Variants in CMSS1 observed in about 807,000 individuals in gnomAD.
CMSS1 encodes cms1 ribosomal small subunit homolog, also known as protein CMSS1.
CMSS1 carries 33 observed loss-of-function variants against 43.5 expected under a neutral mutation model. The ratio of observed to expected loss-of-function variants is 0.76; its 90% CI spans 0.57 to 1.01. The LOEUF (loss-of-function observed/expected upper bound fraction) is 1.01, where lower values mean the gene tolerates loss of function less well. CMSS1 is among the 50% of genes least tolerant of loss of function. CMSS1 has a pLI of 0.00. For missense variants in CMSS1, 313 were observed against 326.4 expected (o/e 0.96, Z 0.32); for synonymous variants, 115 against 117.2 (o/e 0.98, Z 0.12).
At chr3:99,942,574 G>A (rs1259386841) in intron 1 of CMSS1, among the ~76,000 whole-genome samples, 1 of 152,242 alleles carries the variant, frequency 6.6e-6, no homozygotes, top group Non-Finnish European at 1.5e-5. Context: ...GCTCACGCCT[G>A]TAATCCCAGC....
At chr3:99,924,256 T>C (rs1707216253) in intron 1 of CMSS1, 1 of 1,614,046 alleles carries the variant, frequency 6.2e-7, no homozygotes. Flanking sequence ...CTAGTAGGCA[T>C]ATGAATTCAT....
chr3:99,870,429 G>A (rs545595269), intron 1 of CMSS1, among the ~76,000 whole-genome samples: 1 of 152,250 alleles, frequency 6.6e-6, no homozygotes, highest in East Asian at 1.9e-4. Flanking sequence ...TTTATGTGTA[G>A]CTGATCTCTC....
intron 1 of CMSS1, among the ~76,000 whole-genome samples, chr3:100,092,171 G>A (rs974252684): frequency 1.3e-5 from 2 of 152,124 alleles, no homozygotes; most frequent in African/African-American, 4.8e-5. Context: ...TTTTATCATG[G>A]CTTTCAAAGT....
intron 8 of CMSS1, among the ~76,000 whole-genome samples, chr3:100,174,625 T>A (rs2067134365): frequency 1.3e-5 from 2 of 152,186 alleles, no homozygotes; most frequent in South Asian, 4.1e-4. Context: ...ATACAAAGTG[T>A]TTAAAGAGAA....
intron 1 of CMSS1, among the ~76,000 whole-genome samples, chr3:100,094,674 CTTTTTTTTTTTTTTTTT>C (rs71132509): frequency 1.8e-5 from 1 of 57,002 alleles, no homozygotes; most frequent in Non-Finnish European, 3.2e-5. Context: ...GAAAAGCTGC[CTTTTTTTTTTTTTTTTT>C]TTTTTTTTTT....
intron 1 of CMSS1, among the ~76,000 whole-genome samples, chr3:99,912,655 G>A (rs982053211): frequency 6.6e-6 from 1 of 152,176 alleles, no homozygotes; most frequent in Non-Finnish European, 1.5e-5. Context: ...TGGCATTACA[G>A]GCATGAGCCA....
chr3:100,146,984 G>A lies in CMSS1; in HGVS notation c.76G>A (p.Gly26Ser), dbSNP rs1476647836. ...GAGSSPEASD[G>S]EGEGDTEVMQ... is the part of the protein sequence containing the mutation. Reference sequence around the variant, plus strand: ...TTTATATTTTCTAGAAGCATCAGATGGTGAAGGAGAAGGAGACACAGAAGT... The same window carrying A: ...TTTATATTTTCTAGAAGCATCAGATAGTGAAGGAGAAGGAGACACAGAAGT... The change falls in exon 2 of 10, where the codon GGT (glycine) becomes AGT (serine). Residue 26 changes from glycine to serine, a missense_variant. Transcript: ENST00000421999. 6.2e-7 allele frequency: 1 copy of A among 1,613,486 alleles called. No individual in the cohort carries two copies. The highest frequency in any genetic ancestry group is 8.5e-7 in the Non-Finnish European group (1 of 1,179,634).
chr3:99,961,088 C>T (rs568235752), intron 1 of CMSS1, among the ~76,000 whole-genome samples: 20 of 152,240 alleles, frequency 1.3e-4, no homozygotes, highest in African/African-American at 4.6e-4. Flanking sequence ...TTATGCACAG[C>T]CCAAATGACG....
At chr3:99,844,256 G>A (rs962040679) in intron 1 of CMSS1, among the ~76,000 whole-genome samples, 5 of 152,126 alleles carry the variant, frequency 3.3e-5, no homozygotes, top group African/African-American at 7.2e-5. Context: ...TGGGCCCTAC[G>A]CCCCCAGAGG....
intron 1 of CMSS1, among the ~76,000 whole-genome samples, chr3:99,952,318 T>C (rs1290181275): frequency 6.6e-6 from 1 of 152,210 alleles, no homozygotes; most frequent in Non-Finnish European, 1.5e-5. Context: ...TAAGGTATTT[T>C]CATAATGAGC....
chr3:100,058,266 C>G (rs980160156), intron 1 of CMSS1, among the ~76,000 whole-genome samples: 3 of 152,298 alleles, frequency 2.0e-5, no homozygotes, highest in Middle Eastern at 3.4e-3. Flanking sequence ...GTTCTATGTT[C>G]AAGGCACGGA....
rs1707457497 is a variant in CMSS1 at position 99,930,861 on chromosome 3, C to T, written c.64+112818C>T. Reference sequence around the variant, plus strand: ...TGGCCATTACCACTGTGTGGCTTCTCTGCCTTGGGACACGGAAGTATTACA... The same window carrying T: ...TGGCCATTACCACTGTGTGGCTTCTTTGCCTTGGGACACGGAAGTATTACA... On this transcript the variant is annotated intron_variant, in intron 1 of 9. Transcript: ENST00000421999. The T allele has an allele frequency of 1.2e-6, 2 of 1,612,918 alleles. No homozygotes were observed. The highest frequency in any genetic ancestry group is 1.7e-5 in the Admixed American group (1 of 59,882).
chr3:100,110,149 C>T (rs538499463), intron 1 of CMSS1: 70 of 152,138 alleles, frequency 4.6e-4, no homozygotes, highest in African/African-American at 1.6e-3. Flanking sequence ...AAAATTTGAA[C>T]TACTAACTGC....
chr3:100,144,808 C>G (rs145214688), intron 1 of CMSS1, among the ~76,000 whole-genome samples: 114 of 152,322 alleles, frequency 7.5e-4, no homozygotes, highest in African/African-American at 2.6e-3. Flanking sequence ...CTGCCTTCTT[C>G]AGCTCCTAGT....
In CMSS1 at chr3:100,021,993, G is replaced by T. The variant is rs574189221; in HGVS notation, c.65-124980G>T. Among the ~76,000 whole-genome samples the T allele has an allele frequency of 5.9e-3, 871 of 146,672 alleles. 10 individuals are homozygous for T. The highest frequency in any genetic ancestry group is 0.021 in the African/African-American group (807 of 38,996). ...AGAGAGAGAGAGAGAGAGAGAGAGA[G>T]ATATGAGGGGGGCACCAAGACAGAC... On this transcript the variant is annotated intron_variant, in intron 1 of 9. Transcript: ENST00000421999.
At chr3:99,979,937 G>T (rs1299020143) in intron 1 of CMSS1, among the ~76,000 whole-genome samples, 2 of 152,194 alleles carry the variant, frequency 1.3e-5, no homozygotes, top group African/African-American at 4.8e-5. Flanking sequence ...GAACTAATTT[G>T]TGGTTAAGGA....
chr3:99,825,775 CTTTTTTT>C (rs897686337), intron 1 of CMSS1, among the ~76,000 whole-genome samples: 26 of 121,586 alleles, frequency 2.1e-4, no homozygotes, highest in South Asian at 5.4e-4. Flanking sequence ...TTTTCTTTTT[CTTTTTTT>C]TTTTTTTTTT....
At chr3:99,868,552 C>T (rs1394998479) in intron 1 of CMSS1, among the ~76,000 whole-genome samples, 1 of 152,214 alleles carries the variant, frequency 6.6e-6, no homozygotes, top group African/African-American at 2.4e-5. Flanking sequence ...CACGTTTAAG[C>T]TTCAGGTTAA....
At chr3:99,852,821 CTCT>C (rs1231012804) in intron 1 of CMSS1, among the ~76,000 whole-genome samples, 1 of 152,154 alleles carries the variant, frequency 6.6e-6, no homozygotes, top group Non-Finnish European at 1.5e-5. Flanking sequence ...TTCTAATCTG[CTCT>C]TTTCTGTAAT....
Sources: gnomAD v4.1 joint callset for allele counts (sites outside exome capture counted in the v4.1 genomes callset) on GRCh38, gnomAD v4.1.1 for gene constraint, MANE v1.5 for transcripts, NCBI Gene and HGNC (gene_info 2026-07-23, HGNC 2026-07-21) for gene names.